Variants in PHLDB3 observed in about 807,000 individuals in gnomAD.
The protein encoded by PHLDB3 is pleckstrin homology like domain family B member 3.
Under a neutral mutation model 85.7 loss-of-function variants are expected in PHLDB3, and 86 were observed. The observed-to-expected ratio is 1.00, with a 90% CI of 0.84 to 1.20. The LOEUF (loss-of-function observed/expected upper bound fraction) is 1.20, where lower values mean the gene tolerates loss of function less well. PHLDB3 is among the 50% of genes most tolerant of loss of function. The pLI is 0.00. For synonymous variants in PHLDB3, 376 were observed against 349.8 expected (o/e 1.07, Z -0.83); for missense variants, 995 against 873.0 (o/e 1.14, Z -1.76).
chr19:43,497,907 C>T (rs1302387521), intron 4 of PHLDB3, 31 bp from the exon 5 acceptor site: 1 of 1,578,976 alleles, frequency 6.3e-7, no homozygotes, highest in East Asian at 2.3e-5. Context: ...TCACCCTCAG[C>T]TTAAGCATAG....
chr19:43,486,256 TGGGA>T lies in PHLDB3; in HGVS notation c.1485+6_1485+9del. 1 of 886,126 alleles carries T rather than the reference TGGGA, an allele frequency of 1.1e-6. No homozygotes were observed. Among genetic ancestry groups the T allele is most frequent in the Non-Finnish European group, 1.7e-6 (1 of 576,448 alleles). The allele number at this position is 886,126 out of a possible 1,614,324, so 54.9% of individuals were successfully genotyped here. On this transcript the variant is annotated splice_donor_region_variant and intron_variant, in intron 13 of 15. Coordinates refer to ENST00000292140, the MANE Select transcript of PHLDB3 (RefSeq NM_198850.4). The stretch of plus-strand genomic sequence containing the variant: ...GGAGAGGTGGGCGTGAGGGCGGGGG[TGGGA>T]CTGACCGTGATGGCAGGAACAGCAG...
rs530941322 is a variant in PHLDB3 at position 43,486,435 on chromosome 19, C to T, written c.1429-113G>A. The T allele has an allele frequency of 4.4e-3, 5,658 of 1,286,358 alleles. 25 individuals are homozygous for T. Among genetic ancestry groups the T allele is most frequent in the Non-Finnish European group, 5.3e-3 (4,960 of 937,818 alleles). The allele number at this position is 1,286,358 out of a possible 1,614,324, so 79.7% of individuals were successfully genotyped here. A position where few individuals can be genotyped will look rare whatever the true frequency, so the allele number is the denominator to read the frequency against. On this transcript the variant is annotated intron_variant, in intron 12 of 15. Coordinates refer to ENST00000292140, the MANE Select transcript of PHLDB3 (RefSeq NM_198850.4). ...AGGGTACAGGGACTGGGGGCCTGGA[C>T]TCCTGGGTATGAGGGAGGATGGGCT...
chr19:43,494,265 C>G (rs1324457435), intron 9 of PHLDB3, among the ~76,000 whole-genome samples: 1 of 152,160 alleles, frequency 6.6e-6, no homozygotes, highest in Non-Finnish European at 1.5e-5. Context: ...TTGCCTTGGC[C>G]TCCCAAAGTG....
Position 43,484,516 on chromosome 19 carries a change from C to T in PHLDB3, c.1485+1750G>A, listed in dbSNP as rs988993847. Among the ~76,000 whole-genome samples, 4 of 151,090 alleles carry T rather than the reference C, an allele frequency of 2.6e-5. No homozygotes were observed. The East Asian group carries it at 5.8e-4, about 22-fold the overall frequency. On this transcript the variant is annotated intron_variant, in intron 13 of 15. Transcript: ENST00000292140. ...TGAGGTCAGGAGTTCAAGACCAGCCCGGACAGCATGGCAAAACCCCATCGC... is the reference window on the plus strand; with the variant it reads ...TGAGGTCAGGAGTTCAAGACCAGCCTGGACAGCATGGCAAAACCCCATCGC...
intron 9 of PHLDB3, among the ~76,000 whole-genome samples, chr19:43,487,574 C>CAAAAAAAAAAAAAAAAAAAAAAAAAAAA (rs760708749): frequency 2.6e-5 from 1 of 38,522 alleles, no homozygotes; most frequent in Non-Finnish European, 5.1e-5. Context: ...GACTCTGTCT[C>CAAAAAAAAAAAAAAAAAAAAAAAAAAAA]AAAAAAAAAA....
chr19:43,497,810 G>A lies in PHLDB3; in HGVS notation c.601C>T (p.Gln201Ter). 2 of 1,562,036 alleles carry A rather than the reference G, an allele frequency of 1.3e-6. No individual in the cohort carries two copies. Among genetic ancestry groups the A allele is most frequent in the Non-Finnish European group, 1.7e-6 (2 of 1,153,204 alleles). The change falls in exon 5 of 16, where the codon CAG becomes TAG. Residue 201 changes from glutamine to a stop codon, truncating the protein, a stop_gained. Coordinates refer to ENST00000292140, the MANE Select transcript of PHLDB3 (RefSeq NM_198850.4). LOFTEE classifies it high-confidence loss of function. ...EGLRQRLRKA[Q>*]GQLDSQPEDQ... The stretch of plus-strand genomic sequence containing the variant: ...TCTGGCTGTGAGTCGAGCTGTCCCT[G>A]GGCCTTGCGGAGTCTCTGGCGAAGA...
intron 14 of PHLDB3, 54 bp from the exon 15 acceptor site, chr19:43,478,186 G>GTGTC (rs1318261544): frequency 1.1e-5 from 16 of 1,418,032 alleles, no homozygotes; most frequent in Non-Finnish European, 1.3e-5. Context: ...GTGTCTGTGT[G>GTGTC]TGTCGAGGTG....
chr19:43,495,875 A>G (rs1189443667), intron 6 of PHLDB3: 1 of 453,224 alleles, frequency 2.2e-6, no homozygotes, highest in African/African-American at 2.0e-5. Flanking sequence ...CCCAAAAGAC[A>G]GAGATGTAGA....
rs200443446 is a variant in PHLDB3, at chr19:43,501,810, C to T, written c.458G>A (p.Arg153Gln). 188 of 1,587,768 alleles carry T rather than the reference C, an allele frequency of 1.2e-4. 2 individuals are homozygous for T. In the Middle Eastern group the frequency reaches 1.8e-3, roughly 15 times the overall value. The stretch of plus-strand genomic sequence containing the variant: ...CAGCTCCCGCAGCTGCTCCTCCTCC[C>T]GGCGAGCGGCCACTCGCTCCCCAGC... The part of the protein sequence containing the change: ...ELAGERVAAR[R>Q]EEEQLRELLE... Residue 153 changes from arginine (R) to glutamine (Q), a missense_variant, in exon 4 of 16, where the codon CGG (arginine) becomes CAG (glutamine). Arg to Gln is a conservative substitution (Grantham distance 43). Transcript: ENST00000292140.
intron 4 of PHLDB3, 135 bp downstream of exon 4, chr19:43,501,599 C>T (rs991023501): frequency 6.9e-7 from 1 of 1,444,148 alleles, no homozygotes; most frequent in African/African-American, 1.4e-5. Flanking sequence ...GGCATCTGCC[C>T]CTCACTCTCT....
chr19:43,482,437 G>A (rs1399163318), intron 13 of PHLDB3, among the ~76,000 whole-genome samples: 2 of 152,212 alleles, frequency 1.3e-5, no homozygotes, highest in East Asian at 3.9e-4. Flanking sequence ...AAAGATAGCA[G>A]GGGTGTACGG....
In PHLDB3 at chr19:43,501,848, C is replaced by T. The variant is rs1568486035; in HGVS notation, c.420G>A (p.Leu140=). The change falls in exon 4 of 16, where the codon CTG becomes CTA. Residue 140 remains leucine, a synonymous_variant. Coordinates refer to ENST00000292140, the MANE Select transcript of PHLDB3 (RefSeq NM_198850.4). ...RIEMEVEVAL[L]RGELAGERVA... ...CTCGCTCCCCAGCCAGCTCACCCCG[C>T]AGCAAGGCCACCTCCACCTCCATCT... 5.0e-6 allele frequency: 8 copies of T among 1,592,716 alleles called. No individual in the cohort carries two copies. The highest frequency in any genetic ancestry group is 1.7e-5 in the Admixed American group (1 of 57,548).
At chr19:43,503,280 GTCTC>G (rs57901463) in intron 2 of PHLDB3, among the ~76,000 whole-genome samples, 2,439 of 141,942 alleles carry the variant, frequency 0.017, 41 homozygotes, top group African/African-American at 0.045. Context: ...TGTCTATCTG[GTCTC>G]TCTCTCTCTC....
In PHLDB3 at chr19:43,480,232, GC is replaced by G. The variant is rs1971015243; in HGVS notation, c.1486-640del. 3.0e-5 allele frequency among the ~76,000 whole-genome samples: 4 copies of G among 131,828 alleles called. No individual in the cohort carries two copies. The South Asian group carries it at 9.9e-4, about 33-fold the overall frequency. 86.5% of individuals were successfully genotyped at this position (131,828 alleles called of 152,430 possible). A position where few individuals can be genotyped will look rare whatever the true frequency, so the allele number is the denominator to read the frequency against. Reference sequence around the variant, plus strand: ...CCTTGATCCCAGAAGTTGGAAACCAGCCTGGGCAACACAGAAGACCCCTTCT... The same window carrying G: ...CCTTGATCCCAGAAGTTGGAAACCAGCTGGGCAACACAGAAGACCCCTTCT... On this transcript the variant is annotated intron_variant, in intron 13 of 15. Coordinates refer to ENST00000292140, the MANE Select transcript of PHLDB3 (RefSeq NM_198850.4).
chr19:43,491,945 G>GTTTT (rs35827061), intron 9 of PHLDB3, among the ~76,000 whole-genome samples: 3 of 129,562 alleles, frequency 2.3e-5, no homozygotes, highest in Non-Finnish European at 3.2e-5. Flanking sequence ...GCACCTGGCC[G>GTTTT]TTTTTTTTTT....
intron 3 of PHLDB3, 33 bp downstream of exon 3, chr19:43,502,068 G>A (rs1031089088): frequency 2.6e-6 from 4 of 1,547,064 alleles, no homozygotes; most frequent in East Asian, 2.4e-5. Flanking sequence ...GCTTGAGTTG[G>A]GGCCAGGCTT....
chr19:43,491,744 G>A (rs1293901821), intron 9 of PHLDB3, among the ~76,000 whole-genome samples: 1 of 150,496 alleles, frequency 6.6e-6, no homozygotes, highest in Non-Finnish European at 1.5e-5. Flanking sequence ...TCAGCTCACT[G>A]CAACCTCCGC....
At chr19:43,475,668 C>T in intron 15 of PHLDB3, 124 bp from the exon 16 acceptor site, 1 of 1,250,640 alleles carries the variant, frequency 8.0e-7, no homozygotes, top group Non-Finnish European at 1.1e-6. Flanking sequence ...ATCTGAATGT[C>T]AGTTTCCCTG....
At chr19:43,493,000 C>T (rs1971355992) in intron 9 of PHLDB3, among the ~76,000 whole-genome samples, 1 of 152,008 alleles carries the variant, frequency 6.6e-6, no homozygotes, top group African/African-American at 2.4e-5. Context: ...ACCAGTGGGC[C>T]AGGCACAGTG....
Sources: allele counts gnomAD v4.1 joint callset (sites outside exome capture counted in the v4.1 genomes callset), GRCh38; gene constraint gnomAD v4.1.1; transcripts MANE v1.5; gene names NCBI Gene and HGNC (gene_info 2026-07-23, HGNC 2026-07-21).